The following C10orf67 variants were observed in gnomAD, a reference collection of about 807,000 sequenced individuals.
C10orf67 encodes chromosome 10 open reading frame 67.
Under a neutral mutation model 35.6 loss-of-function variants are expected in C10orf67, and 60 were observed. The observed-to-expected ratio is 1.68, with a 90% confidence interval of 1.37 to 2.09. The LOEUF is 2.09. Among genes scored for constraint, C10orf67 ranks in the 30% most tolerant of loss-of-function variants. C10orf67 has a pLI of 0.00. For synonymous variants in C10orf67, 167 were observed against 115.8 expected (o/e 1.44, Z -2.84); for missense variants, 474 against 330.2 (o/e 1.44, Z -3.38).
At chr10:23,254,945 C>G (rs1308953931) in intron 10 of C10orf67, among the ~76,000 whole-genome samples, 1 of 152,090 alleles carries the variant, frequency 6.6e-6, no homozygotes, top group East Asian at 1.9e-4. Context: ...ATTTATATTA[C>G]CATTAAAGTA....
chr10:23,281,175 G>A (rs1335603302), intron 8 of C10orf67, among the ~76,000 whole-genome samples: 1 of 152,148 alleles, frequency 6.6e-6, no homozygotes, highest in Non-Finnish European at 1.5e-5. Flanking sequence ...TGTAATCCAG[G>A]AGAATTGTTT....
At chr10:23,280,681 C>T (rs1778066083) in intron 8 of C10orf67, among the ~76,000 whole-genome samples, 1 of 152,140 alleles carries the variant, frequency 6.6e-6, no homozygotes, top group South Asian at 2.1e-4. Context: ...CAACAAACTT[C>T]TAAACCACAA....
Position 23,203,420 on chromosome 10 carries a change from A to G in C10orf67, c.*753T>C, listed in dbSNP as rs752820574. On this transcript the variant is annotated 3_prime_UTR_variant, in exon 16 of 16. Coordinates refer to ENST00000636213, the MANE Select transcript of C10orf67 (RefSeq NM_001371909.1). ...TATATTTCCTGAGACTTAATAAATA[A>G]CTGTAGAATTCTGTAATCCAGAGCC... The G allele has an allele frequency of 1.3e-5, 2 of 152,228 alleles. No homozygotes were observed. Among genetic ancestry groups the G allele is most frequent in the African/African-American group, 2.4e-5 (1 of 41,458 alleles). The allele number at this position is 152,228 out of a possible 1,614,324, so 9.4% of individuals were successfully genotyped here. A position where few individuals can be genotyped will look rare whatever the true frequency, so the allele number is the denominator to read the frequency against.
chr10:23,285,757 G>A (rs1224142888), intron 7 of C10orf67, among the ~76,000 whole-genome samples: 2 of 152,164 alleles, frequency 1.3e-5, no homozygotes, highest in African/African-American at 4.8e-5. Context: ...TATACAGAAA[G>A]GTTTTCCAAG....
At chr10:23,256,152 C>T (rs949595327) in intron 10 of C10orf67, among the ~76,000 whole-genome samples, 5 of 152,082 alleles carry the variant, frequency 3.3e-5, no homozygotes, top group Admixed American at 3.3e-4. Context: ...CAGCTGTGCA[C>T]CACCATGCCT....
At chr10:23,297,831 G>A (rs1843939618) in intron 5 of C10orf67, among the ~76,000 whole-genome samples, 1 of 152,204 alleles carries the variant, frequency 6.6e-6, no homozygotes. Flanking sequence ...TTGTCTGACA[G>A]GCACAAGTCT....
chr10:23,240,605 TAGG>T (rs1179410748), intron 12 of C10orf67, among the ~76,000 whole-genome samples: 4 of 152,142 alleles, frequency 2.6e-5, no homozygotes, highest in South Asian at 2.1e-4. Context: ...ATGCGAAAAT[TAGG>T]AGATTTGCTG....
intron 1 of C10orf67, among the ~76,000 whole-genome samples, chr10:23,342,657 C>G (rs897657670): frequency 6.6e-6 from 1 of 152,202 alleles, no homozygotes; most frequent in African/African-American, 2.4e-5. Flanking sequence ...ACAGGGTAGA[C>G]GCTGTGTGCC....
chr10:23,206,836 T>C (rs543757913), intron 15 of C10orf67, among the ~76,000 whole-genome samples: 16 of 152,316 alleles, frequency 1.1e-4, no homozygotes, highest in Admixed American at 5.9e-4. Context: ...GAGTTTATAA[T>C]TTATTATTAG....
chr10:23,303,463 G>A lies in C10orf67; in HGVS notation c.547-4C>T, dbSNP rs1844165632. 1 of 541,890 alleles carries A rather than the reference G, an allele frequency of 1.8e-6. No homozygotes were observed. Among genetic ancestry groups the A allele is most frequent in the Non-Finnish European group, 3.3e-6 (1 of 299,386 alleles). 33.6% of individuals were successfully genotyped at this position (541,890 alleles called of 1,614,324 possible). A position where few individuals can be genotyped will look rare whatever the true frequency, so the allele number is the denominator to read the frequency against. On this transcript the variant is annotated splice_polypyrimidine_tract_variant and splice_region_variant and intron_variant, in intron 4 of 15. Transcript: ENST00000636213. ...CTTCTTCTACCTCAAAGAATTGCTAGGGACAAAAAAAAGCAGCATTAAAAA... is the reference window on the plus strand; with the variant it reads ...CTTCTTCTACCTCAAAGAATTGCTAAGGACAAAAAAAAGCAGCATTAAAAA...
chr10:23,247,174 C>T (rs1842337836), intron 12 of C10orf67, among the ~76,000 whole-genome samples: 1 of 151,770 alleles, frequency 6.6e-6, no homozygotes, highest in South Asian at 2.1e-4. Flanking sequence ...CTAGTGTTTA[C>T]AAAATCTACA....
chr10:23,218,972 G>T (rs576798388), intron 15 of C10orf67, among the ~76,000 whole-genome samples: 3 of 152,122 alleles, frequency 2.0e-5, no homozygotes, highest in Non-Finnish European at 2.9e-5. Flanking sequence ...AATTTCTTAC[G>T]TGATTTTAAA....
intron 15 of C10orf67, among the ~76,000 whole-genome samples, chr10:23,207,056 T>A (rs1841177617): frequency 6.6e-6 from 1 of 152,144 alleles, no homozygotes; most frequent in African/African-American, 2.4e-5. Flanking sequence ...TACAAATGTT[T>A]CATTGCAAGG....
chr10:23,240,484 A>G (rs779351705), intron 12 of C10orf67, among the ~76,000 whole-genome samples: 29 of 152,238 alleles, frequency 1.9e-4, no homozygotes, highest in Non-Finnish European at 4.0e-4. Context: ...GTTCCTGTTG[A>G]CTTAAGATTG....
chr10:23,341,232 C>T (rs1023010825), intron 1 of C10orf67, among the ~76,000 whole-genome samples: 1 of 152,214 alleles, frequency 6.6e-6, no homozygotes, highest in Non-Finnish European at 1.5e-5. Flanking sequence ...CTCTTCTTAA[C>T]TTCAGACTCA....
At chr10:23,292,259 T>C (rs912827453) in intron 5 of C10orf67, among the ~76,000 whole-genome samples, 1 of 143,430 alleles carries the variant, frequency 7.0e-6, no homozygotes, top group Admixed American at 6.9e-5. Flanking sequence ...TTTATTGCCA[T>C]GCATTAAAAA....
intron 13 of C10orf67, among the ~76,000 whole-genome samples, chr10:23,234,966 C>T (rs1358246377): frequency 2.1e-5 from 3 of 139,918 alleles, no homozygotes; most frequent in Non-Finnish European, 4.5e-5. Flanking sequence ...GAGCCGAGAT[C>T]GCACCATTGC....
intron 2 of C10orf67, among the ~76,000 whole-genome samples, chr10:23,325,950 G>T (rs1845177954): frequency 6.6e-6 from 1 of 151,946 alleles, no homozygotes; most frequent in South Asian, 2.1e-4. Context: ...GAAGAACAAA[G>T]ATGGCAGAAA....
chr10:23,307,744 G>A (rs1292764095), intron 4 of C10orf67, among the ~76,000 whole-genome samples: 1 of 151,484 alleles, frequency 6.6e-6, no homozygotes, highest in Admixed American at 6.6e-5. Flanking sequence ...TGCCTCCAAA[G>A]TAGCTGAGAC....
Sources: gnomAD v4.1 joint callset for allele counts (sites outside exome capture counted in the v4.1 genomes callset) on GRCh38, gnomAD v4.1.1 for gene constraint, MANE v1.5 for transcripts, NCBI Gene and HGNC (gene_info 2026-07-23, HGNC 2026-07-21) for gene names.